Variants in C16orf74 observed in about 807,000 individuals in gnomAD.
The protein encoded by C16orf74 is uncharacterized protein C16orf74.
C16orf74 carries 10 observed loss-of-function variants against 6.5 expected under a neutral mutation model. That is an observed-to-expected ratio of 1.54 (90% CI 0.95 to 2.61). The LOEUF is 2.61. Ranked by LOEUF, C16orf74 falls within the 30% of genes most tolerant of loss-of-function variation. The pLI is 0.00. For missense variants in C16orf74, 141 were observed against 105.9 expected (o/e 1.33, Z -1.45); for synonymous variants, 60 against 42.5 (o/e 1.41, Z -1.60).
chr16:85,748,608 C>T (rs78958005), intron 1 of C16orf74, among the ~76,000 whole-genome samples: 1 of 151,830 alleles, frequency 6.6e-6, no homozygotes, highest in East Asian at 1.9e-4. Context: ...GAAAAAACAA[C>T]AAAAAAACCC....
intron 2 of C16orf74, among the ~76,000 whole-genome samples, chr16:85,713,384 T>G (rs996579070): frequency 4.6e-5 from 7 of 152,162 alleles, no homozygotes; most frequent in African/African-American, 1.7e-4. Flanking sequence ...CAAAATCTCC[T>G]GTCTCAGCCT....
intron 1 of C16orf74, among the ~76,000 whole-genome samples, chr16:85,739,956 T>A (rs1567812101): frequency 6.6e-6 from 1 of 151,838 alleles, no homozygotes; most frequent in African/African-American, 2.4e-5. Context: ...ATGCCTGTAA[T>A]CCCAGCACTT....
intron 2 of C16orf74, among the ~76,000 whole-genome samples, chr16:85,713,273 C>A (rs931070755): frequency 6.6e-6 from 1 of 152,036 alleles, no homozygotes; most frequent in Non-Finnish European, 1.5e-5. Flanking sequence ...TGTCCAGACT[C>A]CCCCCTGCTT....
chr16:85,735,270 G>A (rs900573345), intron 1 of C16orf74, 35 bp from the exon 2 acceptor site: 17 of 1,511,322 alleles, frequency 1.1e-5, no homozygotes, highest in Non-Finnish European at 1.5e-5. Flanking sequence ...AGAGGGGAGG[G>A]CGCGACTTGT....
intron 1 of C16orf74, among the ~76,000 whole-genome samples, chr16:85,741,894 T>C (rs1261777003): frequency 1.3e-5 from 2 of 152,222 alleles, no homozygotes; most frequent in Non-Finnish European, 2.9e-5. Context: ...CTCATCATTC[T>C]TATTGCTATA....
intron 2 of C16orf74, among the ~76,000 whole-genome samples, chr16:85,731,000 C>T (rs1294833628): frequency 6.6e-6 from 1 of 152,188 alleles, no homozygotes; most frequent in Non-Finnish European, 1.5e-5. Context: ...TAATCGTACC[C>T]GTTTCTTTGT....
At chr16:85,708,109 C>G in intron 3 of C16orf74, 43 bp from the exon 4 acceptor site, 1 of 1,491,176 alleles carries the variant, frequency 6.7e-7, no homozygotes, top group African/African-American at 1.4e-5. Flanking sequence ...ACCCTGCCCC[C>G]ACCACACCAA....
At chr16:85,716,323 T>G (rs1417399505) in intron 2 of C16orf74, among the ~76,000 whole-genome samples, 715 of 34,364 alleles carry the variant, frequency 0.021, no homozygotes, top group African/African-American at 0.023. Context: ...GAGGGAGGAG[T>G]AAGTTGGGGG....
chr16:85,743,390 C>G (rs933235615), intron 1 of C16orf74: 1 of 152,186 alleles, frequency 6.6e-6, no homozygotes, highest in Non-Finnish European at 1.5e-5. Flanking sequence ...CCACTGAACC[C>G]TAACAATGCC....
At chr16:85,740,999 G>A (rs1279155933) in intron 1 of C16orf74, among the ~76,000 whole-genome samples, 5 of 152,084 alleles carry the variant, frequency 3.3e-5, no homozygotes, top group African/African-American at 9.7e-5. Flanking sequence ...TTCTGGCGAA[G>A]GATATTTGCA....
chr16:85,722,718 C>T (rs927680367), intron 2 of C16orf74, among the ~76,000 whole-genome samples: 1 of 152,250 alleles, frequency 6.6e-6, no homozygotes, highest in South Asian at 2.1e-4. Flanking sequence ...GCGAATCTTA[C>T]AGAGGGGCTC....
chr16:85,722,914 C>T (rs2054096974), intron 2 of C16orf74, among the ~76,000 whole-genome samples: 1 of 152,154 alleles, frequency 6.6e-6, no homozygotes. Context: ...TGGTGTTATC[C>T]CGCCCAGCTC....
At chr16:85,717,973 C>G (rs1053767054) in intron 2 of C16orf74, among the ~76,000 whole-genome samples, 2 of 152,226 alleles carry the variant, frequency 1.3e-5, no homozygotes, top group Non-Finnish European at 2.9e-5. Flanking sequence ...ATTCCCTGTG[C>G]CAGCTCTTGG....
At chr16:85,729,360 C>G (rs1039782432) in intron 2 of C16orf74, among the ~76,000 whole-genome samples, 2 of 152,212 alleles carry the variant, frequency 1.3e-5, no homozygotes, top group African/African-American at 4.8e-5. Context: ...CATGGCCAGG[C>G]CCTTGAGCAG....
chr16:85,740,981 A>G (rs2054300717), intron 1 of C16orf74, among the ~76,000 whole-genome samples: 1 of 152,154 alleles, frequency 6.6e-6, no homozygotes, highest in Non-Finnish European at 1.5e-5. Context: ...GTGTAGGTAA[A>G]TGTTCATTTC....
intron 2 of C16orf74, among the ~76,000 whole-genome samples, chr16:85,712,394 A>G (rs2053979071): frequency 6.6e-6 from 1 of 152,222 alleles, no homozygotes; most frequent in African/African-American, 2.4e-5. Context: ...GACAGTCAGC[A>G]AATCTTTCCC....
intron 2 of C16orf74, among the ~76,000 whole-genome samples, chr16:85,727,823 A>G (rs1343799005): frequency 6.6e-6 from 1 of 150,574 alleles, no homozygotes; most frequent in Non-Finnish European, 1.5e-5. Context: ...CAAAAAAACA[A>G]AAAGTGTGGA....
chr16:85,741,383 G>T (rs1253245777), intron 1 of C16orf74, among the ~76,000 whole-genome samples: 1 of 152,152 alleles, frequency 6.6e-6, no homozygotes, highest in African/African-American at 2.4e-5. Context: ...AAACACACAG[G>T]GGAAGGAAGG....
intron 2 of C16orf74, among the ~76,000 whole-genome samples, chr16:85,724,281 C>T (rs907520862): frequency 2.5e-4 from 38 of 152,198 alleles, no homozygotes; most frequent in African/African-American, 9.2e-4. Flanking sequence ...CCTCTGTCTC[C>T]CTGGAGGCTC....
Sources: allele counts gnomAD v4.1 joint callset (sites outside exome capture counted in the v4.1 genomes callset), GRCh38; gene constraint gnomAD v4.1.1; transcripts MANE v1.5; gene names NCBI Gene and HGNC (gene_info 2026-07-23, HGNC 2026-07-21).